Variants in PITPNM1 observed in about 807,000 individuals in gnomAD.
The protein encoded by PITPNM1 is membrane-associated phosphatidylinositol transfer protein 1.
In PITPNM1, 74 loss-of-function variants were observed where a neutral mutation model predicts 133.3. The ratio of observed to expected loss-of-function variants is 0.56; its 90% confidence interval spans 0.46 to 0.67. The LOEUF is 0.67. Among genes scored for constraint, PITPNM1 ranks in the 30% least tolerant of loss-of-function variants. PITPNM1 has a pLI of 0.00. For missense variants in PITPNM1, 1,398 were observed against 1,739.5 expected, an observed-to-expected ratio of 0.80 and a Z score of 3.49; for synonymous variants, 738 against 741.4, an observed-to-expected ratio of 1.00 and a Z score of 0.08.
Position 67,495,357 on chromosome 11 carries a change from A to AG in PITPNM1, c.2482+80dup, listed in dbSNP as rs1866084238. 10 of 1,457,180 alleles carry AG rather than the reference A, an allele frequency of 6.9e-6. No homozygotes were observed. In the South Asian group the frequency reaches 1.1e-4, roughly 16 times the overall value. The allele number at this position is 1,457,180 out of a possible 1,614,324, so 90.3% of individuals were successfully genotyped here. ...AAGTCCAGGCTGTGTGCTGGGGGAA[A>AG]GGGTTTCTCAGCTGGGCTTCGGAGG... On this transcript the variant is annotated intron_variant, in intron 16 of 23. Coordinates refer to ENST00000356404, the MANE Select transcript of PITPNM1 (RefSeq NM_004910.3).
Position 67,493,787 on chromosome 11 carries a change from G to C in PITPNM1, c.3059C>G (p.Thr1020Arg). 1 of 1,549,924 alleles carries C rather than the reference G, an allele frequency of 6.5e-7. No individual in the cohort carries two copies. The highest frequency in any genetic ancestry group is 2.4e-5 in the East Asian group (1 of 41,172). Residue 1020 changes from threonine to arginine, a missense_variant, in exon 21 of 24, where the codon ACG (threonine) becomes AGG (arginine). Thr to Arg is a moderately conservative substitution (Grantham distance 71, BLOSUM62 -1). Transcript: ENST00000356404. ...GTCGATGCTGAAGACCACAGCCTCC[G>C]TGCCGCGGGCCACCACAGTCAGGCA... ...ECCLTVVARGTEAVVFSIDGS... is the reference protein window; with the variant it reads ...ECCLTVVARGREAVVFSIDGS...
Position 67,493,466 on chromosome 11 carries a change from G to C in PITPNM1, c.3286C>G (p.Leu1096Val). The change falls in exon 22 of 24, where the codon CTC becomes GTC. Residue 1096 changes from leucine (L) to valine (V), a missense_variant. This residue lies in a region of PITPNM1 where 233 missense variants were observed against 378.0 expected (regional missense o/e 0.62). Coordinates refer to ENST00000356404, the MANE Select transcript of PITPNM1 (RefSeq NM_004910.3). ...TTCTGGCGTAGTGGGTCGTGGGTGA[G>C]GCCGTCGCAGAAGGAGACGACGCCG... ...PHGVVSFCDG[L>V]THDPLRQKAM... The C allele has an allele frequency of 6.2e-7, 1 of 1,605,776 alleles. No homozygotes were observed. Among genetic ancestry groups the C allele is most frequent in the Non-Finnish European group, 8.5e-7 (1 of 1,176,512 alleles).
rs1866375827 is a variant in PITPNM1 at position 67,502,748 on chromosome 11, G to C, written c.79-30C>G. On this transcript the variant is annotated intron_variant, in intron 2 of 23. Coordinates refer to ENST00000356404, the MANE Select transcript of PITPNM1 (RefSeq NM_004910.3). The surrounding 1 kb of genome is among the most constrained non-coding windows in gnomAD (Gnocchi z 5.9). ...GGCCCAAGGGAGAGCAGGACAGGGAGCTCAGCCCCAGCTTAGCATCTGGGA... is the reference window on the plus strand; with the variant it reads ...GGCCCAAGGGAGAGCAGGACAGGGACCTCAGCCCCAGCTTAGCATCTGGGA... 6.3e-7 allele frequency: 1 copy of C among 1,596,424 alleles called. No homozygotes were observed. The highest frequency in any genetic ancestry group is 1.3e-5 in the African/African-American group (1 of 74,640).
chr11:67,494,760 G>C (rs1312754009), intron 18 of PITPNM1, 86 bp downstream of exon 18: 3 of 797,154 alleles, frequency 3.8e-6, no homozygotes, highest in African/African-American at 1.7e-5. Context: ...CCCGAGGAGG[G>C]GGGTGCTGGG....
In PITPNM1 at chr11:67,492,943, C is replaced by T. The variant is rs1865981233; in HGVS notation, c.3462G>A (p.Ala1154=). 5 of 1,612,570 alleles carry T rather than the reference C, an allele frequency of 3.1e-6. No homozygotes were observed. The highest frequency in any genetic ancestry group is 1.1e-5 in the South Asian group (1 of 91,050). ...IVGRAVRKLQ[A]QCQFLSDGYV... Reference sequence around the variant, plus strand: ...TTCACTTGGGCCTCACCTGGCACTGCGCCTGTAGCTTCCGCACGGCACGGC... The same window carrying T: ...TTCACTTGGGCCTCACCTGGCACTGTGCCTGTAGCTTCCGCACGGCACGGC... Residue 1154 remains alanine, a synonymous_variant, in exon 23 of 24, where the codon GCG becomes GCA. Coordinates refer to ENST00000356404, the MANE Select transcript of PITPNM1 (RefSeq NM_004910.3).
At chr11:67,496,610 G>A in intron 14 of PITPNM1, 1 of 470,254 alleles carries the variant, frequency 2.1e-6, no homozygotes, top group South Asian at 3.4e-5. Context: ...GACCAGTCTG[G>A]CCAACATGGT....
At position 67,492,345 on chromosome 11, in the gene PITPNM1, C is replaced by A. The variant is rs375611816; in HGVS notation, c.3472-49G>T. On this transcript the variant is annotated intron_variant, in intron 23 of 23. Coordinates refer to ENST00000356404, the MANE Select transcript of PITPNM1 (RefSeq NM_004910.3). Reference sequence around the variant, plus strand: ...TGAGGGGGTGCTGGCCAAGGGCCCACACGCTGCCCTCCACGGTCCTCCAGA... The same window carrying A: ...TGAGGGGGTGCTGGCCAAGGGCCCAAACGCTGCCCTCCACGGTCCTCCAGA... The A allele has an allele frequency of 3.7e-5, 55 of 1,494,892 alleles. No homozygotes were observed. In the African/African-American group the frequency reaches 7.3e-4, roughly 20 times the overall value. 92.6% of individuals were successfully genotyped at this position (1,494,892 alleles called of 1,614,324 possible).
At chr11:67,492,731 T>C (rs994577578) in intron 23 of PITPNM1, among the ~76,000 whole-genome samples, 4 of 152,254 alleles carry the variant, frequency 2.6e-5, no homozygotes, top group African/African-American at 4.8e-5. Flanking sequence ...TTGAGCACTT[T>C]CCAGTGTGGG....
At chr11:67,492,627 A>T (rs1302655887) in intron 23 of PITPNM1, among the ~76,000 whole-genome samples, 1 of 152,278 alleles carries the variant, frequency 6.6e-6, no homozygotes, top group Non-Finnish European at 1.5e-5. Context: ...TGACATGGGC[A>T]GTGCCATGAT....
At chr11:67,503,671 A>G (rs572341912) in intron 2 of PITPNM1, among the ~76,000 whole-genome samples, 4 of 152,188 alleles carry the variant, frequency 2.6e-5, no homozygotes, top group Admixed American at 2.6e-4. Context: ...GCCCTACACC[A>G]GAGCCTCCTC....
Position 67,497,628 on chromosome 11 carries a change from C to T in PITPNM1, c.1834G>A (p.Asp612Asn), listed in dbSNP as rs1431735782. ...CCCCGACCCAGGCCTTCCACACCAT[C>T]TGCCAGGGGGTCCCGCACTGGGCCA... ...EFGPVRDPLADGVEGLGRGSP... is the reference protein window; with the variant it reads ...EFGPVRDPLANGVEGLGRGSP... The change falls in exon 13 of 24, where the codon GAT becomes AAT. Residue 612 changes from aspartate (D) to asparagine (N), a missense_variant. Asp to Asn is a conservative substitution (Grantham distance 23). Around this residue, in one of 5 missense-constraint regions of PITPNM1, gnomAD observed 574 missense variants for 698.7 expected, o/e 0.82. Transcript: ENST00000356404. The T allele has an allele frequency of 6.2e-7, 1 of 1,608,414 alleles. No individual in the cohort carries two copies. The highest frequency in any genetic ancestry group is 8.5e-7 in the Non-Finnish European group (1 of 1,178,650).
Position 67,494,278 on chromosome 11 carries a change from C to T in PITPNM1, c.2825G>A (p.Gly942Glu), listed in dbSNP as rs757636712. 1.2e-6 allele frequency: 2 copies of T among 1,612,516 alleles called. No homozygotes were observed. The highest frequency in any genetic ancestry group is 1.3e-5 in the African/African-American group (1 of 74,892). Residue 942 changes from glycine (G) to glutamate (E), a missense_variant, in exon 19 of 24, where the codon GGG becomes GAG. Physicochemically the swap from Gly to Glu is moderately conservative, Grantham distance 98. Around this residue, in one of 5 missense-constraint regions of PITPNM1, gnomAD observed 233 missense variants for 378.0 expected, o/e 0.62. Transcript: ENST00000356404. ...AGTGAGCGTGACGACGTCCAGGGGCCCGTACATGAAGCGCCCGCTTAGCAC... is the reference window on the plus strand; with the variant it reads ...AGTGAGCGTGACGACGTCCAGGGGCTCGTACATGAAGCGCCCGCTTAGCAC... ...PQVLSGRFMY[G>E]PLDVVTLTGE... is the part of the protein sequence containing the mutation.
At position 67,498,233 on chromosome 11, in the gene PITPNM1, G is replaced by A; in HGVS notation, c.1574C>T (p.Ser525Phe). 6 of 1,612,726 alleles carry A rather than the reference G, an allele frequency of 3.7e-6. No homozygotes were observed. The highest frequency in any genetic ancestry group is 4.2e-6 in the Non-Finnish European group (5 of 1,179,750). Residue 525 changes from serine (S) to phenylalanine (F), a missense_variant, in exon 11 of 24, where the codon TCC becomes TTC. By Grantham distance (155) the Ser-to-Phe change is radical (BLOSUM62 -2). Around this residue, in one of 5 missense-constraint regions of PITPNM1, gnomAD observed 574 missense variants for 698.7 expected, o/e 0.82. Transcript: ENST00000356404. The surrounding 1 kb of genome is among the most constrained non-coding windows in gnomAD (Gnocchi z 5.7). ...LAALPLLATSSSRYQGAVATV... is the reference protein window; with the variant it reads ...LAALPLLATSFSRYQGAVATV... ...GGCCACGGCGCCCTGGTAGCGGGAG[G>A]ATGAGGTGGCCAGCAGTGGCAGGGC...
intron 14 of PITPNM1, 67 bp downstream of exon 14, chr11:67,497,163 GC>G: frequency 7.6e-7 from 1 of 1,323,854 alleles, no homozygotes. Flanking sequence ...GAGAGGGAAG[GC>G]CAGAGGAGGT....
intron 14 of PITPNM1, 123 bp downstream of exon 14, chr11:67,497,108 A>G: frequency 1.3e-6 from 1 of 779,654 alleles, no homozygotes; most frequent in Non-Finnish European, 1.9e-6. Context: ...TTCTGTAGCC[A>G]GGCCTTTGAA....
At chr11:67,500,459 T>C in intron 5 of PITPNM1, 38 bp from the exon 6 acceptor site, 1 of 1,565,806 alleles carries the variant, frequency 6.4e-7, no homozygotes, top group Non-Finnish European at 8.7e-7. Context: ...CCCCTCCCCC[T>C]GCTTCCCTGC....
rs1313986156 is a variant in PITPNM1, at chr11:67,497,612, A to G, written c.1850T>C (p.Leu617Pro). 1 of 1,606,810 alleles carries G rather than the reference A, an allele frequency of 6.2e-7. No homozygotes were observed. Among genetic ancestry groups the G allele is most frequent in the Non-Finnish European group, 8.5e-7 (1 of 1,178,194 alleles). Residue 617 changes from leucine to proline, a missense_variant, in exon 13 of 24, where the codon CTG becomes CCG. This residue lies in a region of PITPNM1 where 574 missense variants were observed against 698.7 expected (regional missense o/e 0.82). Transcript: ENST00000356404. ...CGAGGGTTCTGGGCTGCCCCGACCC[A>G]GGCCTTCCACACCATCTGCCAGGGG... ...RDPLADGVEG[L>P]GRGSPEPSAL...
chr11:67,494,063 A>G lies in PITPNM1; in HGVS notation c.2867T>C (p.Val956Ala), dbSNP rs1866026288. The G allele has an allele frequency of 6.2e-7, 1 of 1,605,392 alleles. No homozygotes were observed. Among genetic ancestry groups the G allele is most frequent in the Admixed American group, 1.7e-5 (1 of 59,384 alleles). ...CGACAGCGGCTGCGTCATGATGTAG[A>G]CATCCACCTGGAGGGGAGAAGGGGC... Reference protein sequence around the residue: ...VVTLTGEKVDVYIMTQPLSGK... With the variant: ...VVTLTGEKVDAYIMTQPLSGK... The change falls in exon 20 of 24, where the codon GTC (valine) becomes GCC (alanine). Residue 956 changes from valine (V) to alanine (A), a missense_variant. Transcript: ENST00000356404.
In PITPNM1 at chr11:67,492,881, G is replaced by A. The variant is rs887252671; in HGVS notation, c.3471+53C>T. The stretch of plus-strand genomic sequence containing the variant: ...TCCGTGGTTCCCAAGGCCTGGGACT[G>A]AGGGCCCTGCCCCCTGGTGGGGTCC... On this transcript the variant is annotated intron_variant, in intron 23 of 23. Transcript: ENST00000356404. The A allele has an allele frequency of 5.0e-6, 8 of 1,584,500 alleles. No homozygotes were observed. The African/African-American group carries it at 9.4e-5, about 19-fold the overall frequency.
Sources: gnomAD v4.1 joint callset for allele counts (sites outside exome capture counted in the v4.1 genomes callset) on GRCh38, gnomAD v4.1.1 for gene constraint, gnomAD v4.1.1 regional missense constraint, Gnocchi (gnomAD v3.1) non-coding constraint, MANE v1.5 for transcripts, NCBI Gene and HGNC (gene_info 2026-07-23, HGNC 2026-07-21) for gene names.